The following CNTNAP2 variants were observed in gnomAD, a reference collection of about 807,000 sequenced individuals.
CNTNAP2 encodes contactin associated protein 2.
In CNTNAP2, 98 loss-of-function variants were observed where a neutral mutation model predicts 155.2. That is an observed-to-expected ratio of 0.63 (90% CI 0.54 to 0.75). CNTNAP2 has a LOEUF of 0.75. CNTNAP2 is among the 30% of genes least tolerant of loss of function. The probability of loss-of-function intolerance (pLI) is 0.00; values close to 1 mark genes in which losing one functional copy is unlikely to be tolerated. For missense variants in CNTNAP2, 1,727 were observed against 1,688.1 expected, an observed-to-expected ratio of 1.02 and a Z score of -0.40; for synonymous variants, 651 against 631.2, an observed-to-expected ratio of 1.03 and a Z score of -0.47.
At chr7:147,509,809 T>C (rs936172270) in intron 11 of CNTNAP2, among the ~76,000 whole-genome samples, 2 of 152,110 alleles carry the variant, frequency 1.3e-5, no homozygotes, top group Non-Finnish European at 2.9e-5. Flanking sequence ...AGAGGTTTTC[T>C]CTGCAGATTG....
intron 8 of CNTNAP2, among the ~76,000 whole-genome samples, chr7:147,223,795 G>T (rs904090527): frequency 6.6e-6 from 1 of 151,952 alleles, no homozygotes; most frequent in Non-Finnish European, 1.5e-5. Context: ...ATAAAAATTA[G>T]CTGGGTGTGG....
intron 21 of CNTNAP2, among the ~76,000 whole-genome samples, chr7:148,343,080 A>T (rs1798263040): frequency 6.6e-6 from 1 of 152,208 alleles, no homozygotes; most frequent in African/African-American, 2.4e-5. Context: ...ACCTGTAGGG[A>T]CTTAACCGCT....
chr7:146,536,051 G>A (rs182187750), intron 1 of CNTNAP2, among the ~76,000 whole-genome samples: 5 of 152,046 alleles, frequency 3.3e-5, no homozygotes, highest in Non-Finnish European at 7.4e-5. Flanking sequence ...CAATATCCAC[G>A]TTTATTTTCT....
intron 13 of CNTNAP2, among the ~76,000 whole-genome samples, chr7:147,850,544 A>G (rs753317499): frequency 5.9e-5 from 9 of 152,234 alleles, no homozygotes; most frequent in Non-Finnish European, 1.2e-4. Context: ...ACAGTAACCA[A>G]AACAGCATGG....
chr7:147,852,345 G>A (rs1378441861), intron 13 of CNTNAP2, among the ~76,000 whole-genome samples: 4 of 152,036 alleles, frequency 2.6e-5, no homozygotes, highest in Non-Finnish European at 5.9e-5. Context: ...AAAGTTTTCT[G>A]TATCATTCCA....
chr7:147,370,746 G>A (rs569333737), intron 9 of CNTNAP2, among the ~76,000 whole-genome samples: 1 of 152,110 alleles, frequency 6.6e-6, no homozygotes, highest in South Asian at 2.1e-4. Context: ...CTTTACCAAT[G>A]TTCTATTAGA....
intron 9 of CNTNAP2, among the ~76,000 whole-genome samples, chr7:147,341,506 A>G (rs1447506966): frequency 6.6e-6 from 1 of 152,074 alleles, no homozygotes; most frequent in Non-Finnish European, 1.5e-5. Flanking sequence ...TAAAAATGGA[A>G]TTGTCTGAGA....
At chr7:148,057,393 C>T (rs1803039598) in intron 15 of CNTNAP2, among the ~76,000 whole-genome samples, 1 of 152,146 alleles carries the variant, frequency 6.6e-6, no homozygotes, top group African/African-American at 2.4e-5. Context: ...AGACTTTCAG[C>T]ATTTCTGGTG....
At chr7:146,281,568 G>A (rs1276397582) in intron 1 of CNTNAP2, among the ~76,000 whole-genome samples, 4 of 152,090 alleles carry the variant, frequency 2.6e-5, no homozygotes, top group Admixed American at 6.5e-5. Flanking sequence ...AGGCTGAGGC[G>A]GGTGGATCAC....
chr7:146,841,639 A>C (rs551895797), intron 3 of CNTNAP2, among the ~76,000 whole-genome samples: 159 of 152,280 alleles, frequency 1.0e-3, no homozygotes, highest in African/African-American at 3.5e-3. Context: ...CAGACTCTGA[A>C]ATACTGTTCT....
chr7:147,933,037 A>T (rs186522093), intron 14 of CNTNAP2, among the ~76,000 whole-genome samples: 1 of 144,894 alleles, frequency 6.9e-6, no homozygotes, highest in African/African-American at 2.6e-5. Context: ...TAGGGTGGCT[A>T]TTGGTTTTTA....
At chr7:147,103,983 A>C in intron 4 of CNTNAP2, among the ~76,000 whole-genome samples, 1 of 152,076 alleles carries the variant, frequency 6.6e-6, no homozygotes. Flanking sequence ...AACTAAATGC[A>C]ATCTGAGATC....
intron 1 of CNTNAP2, 30 bp downstream of exon 1, chr7:146,117,003 G>C: frequency 6.5e-7 from 1 of 1,539,806 alleles, no homozygotes; most frequent in South Asian, 1.2e-5. Context: ...CTCTGCTCTG[G>C]AGCAGTTTCA....
chr7:147,801,990 C>T (rs1798001370), intron 13 of CNTNAP2, among the ~76,000 whole-genome samples: 1 of 151,180 alleles, frequency 6.6e-6, no homozygotes, highest in African/African-American at 2.4e-5. Flanking sequence ...GGGGTGGCTG[C>T]CGGGCGGAGA....
chr7:146,962,253 A>G (rs926948070), intron 3 of CNTNAP2, among the ~76,000 whole-genome samples: 2 of 152,190 alleles, frequency 1.3e-5, no homozygotes, highest in African/African-American at 4.8e-5. Context: ...TGTTGAACAA[A>G]TGAAAGAATG....
intron 4 of CNTNAP2, among the ~76,000 whole-genome samples, chr7:147,046,636 A>G (rs1179576346): frequency 1.3e-5 from 2 of 152,208 alleles, no homozygotes; most frequent in East Asian, 3.9e-4. Flanking sequence ...CCTTTGGCCA[A>G]TAACAACACA....
rs151200122 is a variant in CNTNAP2, at chr7:148,299,034, A to G, written c.3475+31908A>G. On this transcript the variant is annotated intron_variant, in intron 21 of 23. Transcript: ENST00000361727. Reference sequence around the variant, plus strand: ...GAGATGGAGTCTTGCTCTGTCGCCTAGGCTGGAGTGCAGTGGCACGATCTC... The same window carrying G: ...GAGATGGAGTCTTGCTCTGTCGCCTGGGCTGGAGTGCAGTGGCACGATCTC... Among the ~76,000 whole-genome samples the G allele has an allele frequency of 5.3e-3, 785 of 148,628 alleles. 9 individuals are homozygous for G. The highest frequency in any genetic ancestry group is 0.019 in the African/African-American group (748 of 40,112).
intron 23 of CNTNAP2, among the ~76,000 whole-genome samples, chr7:148,412,956 T>C (rs1223280205): frequency 2.0e-5 from 3 of 152,254 alleles, no homozygotes; most frequent in Admixed American, 6.5e-5. Flanking sequence ...CATATTGTTT[T>C]ACTCCTTATT....
At chr7:146,989,461 A>G (rs1230641777) in intron 3 of CNTNAP2, among the ~76,000 whole-genome samples, 1 of 152,130 alleles carries the variant, frequency 6.6e-6, no homozygotes, top group Non-Finnish European at 1.5e-5. Context: ...TAAAAGGGCT[A>G]AGAAGTTCTT....
Sources: allele counts gnomAD v4.1 joint callset (sites outside exome capture counted in the v4.1 genomes callset), GRCh38; gene constraint gnomAD v4.1.1; transcripts MANE v1.5; gene names NCBI Gene and HGNC (gene_info 2026-07-23, HGNC 2026-07-21).